Variants in PUM2 observed in about 807,000 individuals in gnomAD.
The protein encoded by PUM2 is pumilio RNA binding family member 2, also known as pumilio homolog 2.
In PUM2, 57 loss-of-function variants were observed where a neutral mutation model predicts 124.5. The ratio of observed to expected loss-of-function variants is 0.46; its 90% CI spans 0.37 to 0.57. PUM2 has a LOEUF of 0.57. Ranked by LOEUF, PUM2 falls within the 20% of genes least tolerant of loss-of-function variation. PUM2 has a pLI of 0.00. For missense variants in PUM2, 1,065 were observed against 1,290.6 expected (o/e 0.83, Z 2.68); for synonymous variants, 460 against 446.1 (o/e 1.03, Z -0.39).
chr2:20,298,331 T>C (rs1237574503), intron 7 of PUM2, among the ~76,000 whole-genome samples: 2 of 152,168 alleles, frequency 1.3e-5, no homozygotes, highest in Admixed American at 1.3e-4. Context: ...TCATGCTAAG[T>C]AGTTTGGATT....
chr2:20,336,487 C>A (rs143152135), intron 1 of PUM2, among the ~76,000 whole-genome samples: 4 of 151,728 alleles, frequency 2.6e-5, no homozygotes. Context: ...TGTGCCTGGC[C>A]TAAAAAGTGG....
intron 12 of PUM2, among the ~76,000 whole-genome samples, chr2:20,282,647 A>G (rs1435317098): frequency 6.6e-6 from 1 of 152,202 alleles, no homozygotes; most frequent in Non-Finnish European, 1.5e-5. Context: ...TAATTAGTGA[A>G]TAATATATTG....
chr2:20,285,077 T>A (rs540512643), intron 10 of PUM2, among the ~76,000 whole-genome samples: 1 of 152,332 alleles, frequency 6.6e-6, no homozygotes, highest in African/African-American at 2.4e-5. Flanking sequence ...AGTAAATCCA[T>A]TTGGACATTT....
At chr2:20,296,361 G>C (rs1572775587) in intron 8 of PUM2, among the ~76,000 whole-genome samples, 2 of 152,088 alleles carry the variant, frequency 1.3e-5, no homozygotes. Context: ...CAGGCGTGGT[G>C]GTGGGCGCCT....
At chr2:20,278,508 ATATAT>A in intron 13 of PUM2, 70 bp downstream of exon 13, 1 of 1,205,722 alleles carries the variant, frequency 8.3e-7, no homozygotes, top group South Asian at 1.5e-5. Context: ...AATATTTTAC[ATATAT>A]TATAAACACA....
chr2:20,344,722 C>T (rs1304388805), intron 1 of PUM2, among the ~76,000 whole-genome samples: 3 of 152,126 alleles, frequency 2.0e-5, no homozygotes, highest in African/African-American at 4.8e-5. Context: ...GTGGCTCACA[C>T]CTGTAATCCC....
rs576962426 is a variant in PUM2, at chr2:20,320,839, CAG to C, written c.52-2196_52-2195del. On this transcript the variant is annotated intron_variant, in intron 2 of 20. Transcript: ENST00000361078. ...ATATATTTAAATAATAGAACATTCA[CAG>C]TTAAAACCCAAGTTAATCCCTTAAA... 4.8e-4 allele frequency among the ~76,000 whole-genome samples: 73 copies of C among 152,074 alleles called. 2 individuals carry two copies. The highest frequency in any genetic ancestry group is 1.2e-3 in the Admixed American group (18 of 15,272).
chr2:20,294,263 G>C, intron 9 of PUM2, 113 bp downstream of exon 9: 1 of 1,156,362 alleles, frequency 8.6e-7, no homozygotes, highest in Non-Finnish European at 1.2e-6. Context: ...CTGTATGCCA[G>C]GAGTCGTGTT....
chr2:20,272,180 AATG>A (rs1669200000), intron 13 of PUM2, among the ~76,000 whole-genome samples: 2 of 151,710 alleles, frequency 1.3e-5, no homozygotes, highest in African/African-American at 4.9e-5. Flanking sequence ...TGAATGAATG[AATG>A]AATGAATAAA....
At position 20,278,490 on chromosome 2, in the gene PUM2, CA is replaced by C; in HGVS notation, c.1957+92del. 3 of 1,093,408 alleles carry C rather than the reference CA, an allele frequency of 2.7e-6. No individual in the cohort carries two copies. The South Asian group carries it at 5.2e-5, about 19-fold the overall frequency. 67.7% of individuals were successfully genotyped at this position (1,093,408 alleles called of 1,614,324 possible). A position where few individuals can be genotyped will look rare whatever the true frequency, so the allele number is the denominator to read the frequency against. ...CAAAAGCAATTTGGCATGTTTTAAC[CA>C]ACATTAAATATTTTACATATATTAT... On this transcript the variant is annotated intron_variant, in intron 13 of 20. Coordinates refer to ENST00000361078, the MANE Select transcript of PUM2 (RefSeq NM_015317.5).
rs1236740378 is a variant in PUM2 at position 20,278,775 on chromosome 2, A to C, written c.1765T>G (p.Ser589Ala). The C allele has an allele frequency of 8.7e-6, 14 of 1,613,510 alleles. No homozygotes were observed. Among genetic ancestry groups the C allele is most frequent in the Non-Finnish European group, 1.2e-5 (14 of 1,179,648 alleles). The change falls in exon 13 of 21, where the codon TCT becomes GCT. Residue 589 changes from serine (S) to alanine (A), a missense_variant. By Grantham distance (99) the Ser-to-Ala change is moderately conservative (BLOSUM62 1). This residue lies in a region of PUM2 where 968 missense variants were observed against 1,159.8 expected (regional missense o/e 0.83). Coordinates refer to ENST00000361078, the MANE Select transcript of PUM2 (RefSeq NM_015317.5). ...CTTTTGTACAAGTCAGAGCTAGTAG[A>C]TAGAGACTCTCTCCTTGTGGCACTA... ...SSSATRRESL[S>A]TSSDLYKRSS...
chr2:20,339,634 C>A (rs575207532), intron 1 of PUM2, among the ~76,000 whole-genome samples: 1 of 152,186 alleles, frequency 6.6e-6, no homozygotes, highest in Non-Finnish European at 1.5e-5. Context: ...AAGCCCAGCA[C>A]TTTGGGAGGC....
At position 20,313,471 on chromosome 2, in the gene PUM2, T is replaced by C. The variant is rs145581882; in HGVS notation, c.161-1048A>G. 3.7e-3 allele frequency among the ~76,000 whole-genome samples: 562 copies of C among 152,318 alleles called. 6 individuals carry two copies. Among genetic ancestry groups the C allele is most frequent in the African/African-American group, 0.013 (548 of 41,572 alleles). On this transcript the variant is annotated intron_variant, in intron 3 of 20. Transcript: ENST00000361078. ...AAGGATCAGTTGCTTATAAACATCA[T>C]TTTAAAAAGTTAACCTCCTTTTGAC...
chr2:20,328,243 T>C (rs1043696737), intron 1 of PUM2, among the ~76,000 whole-genome samples: 8 of 152,156 alleles, frequency 5.3e-5, no homozygotes, highest in Non-Finnish European at 7.4e-5. Flanking sequence ...GGCAGAAGAA[T>C]TGCTTGAATC....
chr2:20,350,533 G>A (rs1573074487), intron 1 of PUM2, 64 bp downstream of exon 1: 1 of 985,676 alleles, frequency 1.0e-6, no homozygotes, highest in Non-Finnish European at 1.2e-6. Flanking sequence ...GCCGCACAAA[G>A]CCTGGGGAGC....
chr2:20,303,169 TTTC>T (rs148365098), intron 7 of PUM2, among the ~76,000 whole-genome samples: 4 of 147,906 alleles, frequency 2.7e-5, no homozygotes, highest in African/African-American at 9.9e-5. Context: ...AAAAAAAGCT[TTTC>T]TTTTCTCAAA....
intron 1 of PUM2, among the ~76,000 whole-genome samples, chr2:20,345,574 CA>C (rs544744911): frequency 2.0e-5 from 3 of 148,892 alleles, no homozygotes; most frequent in African/African-American, 4.9e-5. Context: ...CTGCAACGCT[CA>C]AAAAAAAAAT....
At chr2:20,290,008 A>AT (rs778338823) in intron 10 of PUM2, among the ~76,000 whole-genome samples, 5 of 152,078 alleles carry the variant, frequency 3.3e-5, no homozygotes, top group Admixed American at 1.3e-4. Flanking sequence ...CAAATGCTGC[A>AT]TTTTTTTTAC....
chr2:20,297,114 C>T (rs192547096), intron 8 of PUM2, among the ~76,000 whole-genome samples: 1 of 152,256 alleles, frequency 6.6e-6, no homozygotes, highest in East Asian at 1.9e-4. Context: ...TTTAGCATTG[C>T]TCAAGAAATT....
Sources: allele counts gnomAD v4.1 joint callset (sites outside exome capture counted in the v4.1 genomes callset), GRCh38; gene constraint gnomAD v4.1.1; regional missense constraint gnomAD v4.1.1; transcripts MANE v1.5; gene names NCBI Gene and HGNC (gene_info 2026-07-23, HGNC 2026-07-21).